Variants in TMEM181 observed in about 807,000 individuals in gnomAD.
The protein encoded by TMEM181 is transmembrane protein 181.
A neutral mutation model predicts 71.9 loss-of-function variants in TMEM181; 39 were observed. The observed-to-expected ratio is 0.54, with a 90% confidence interval of 0.42 to 0.71. The LOEUF (loss-of-function observed/expected upper bound fraction) is 0.71, where lower values mean the gene tolerates loss of function less well. Among genes scored for constraint, TMEM181 ranks in the 30% least tolerant of loss-of-function variants. The pLI, the probability that TMEM181 is intolerant of heterozygous loss-of-function variation, is 0.00. For missense variants in TMEM181, 595 were observed against 583.0 expected, an observed-to-expected ratio of 1.02 and a Z score of -0.21; for synonymous variants, 245 against 228.8, an observed-to-expected ratio of 1.07 and a Z score of -0.64.
intron 1 of TMEM181, among the ~76,000 whole-genome samples, chr6:158,554,324 A>C (rs1390502618): frequency 6.6e-6 from 1 of 152,010 alleles, no homozygotes; most frequent in Admixed American, 6.6e-5. Context: ...GACCTCAGGC[A>C]GTCCGCTCAC....
intron 1 of TMEM181, among the ~76,000 whole-genome samples, chr6:158,570,102 C>T (rs1782720012): frequency 6.6e-6 from 1 of 152,016 alleles, no homozygotes; most frequent in Admixed American, 6.5e-5. Flanking sequence ...AGTCTTGGGA[C>T]TGTGGCTGCC....
intron 1 of TMEM181, among the ~76,000 whole-genome samples, 199 bp downstream of exon 1, chr6:158,560,431 C>T (rs952586833): frequency 6.6e-6 from 1 of 152,080 alleles, no homozygotes; most frequent in Non-Finnish European, 1.5e-5. Flanking sequence ...AGACCGGGGC[C>T]GGGGCTCCCT....
intron 5 of TMEM181, among the ~76,000 whole-genome samples, chr6:158,588,751 T>G (rs888570039): frequency 5.9e-5 from 9 of 152,228 alleles, no homozygotes; most frequent in South Asian, 4.1e-4. Context: ...CCCAGCCACC[T>G]TCTTGTCTTT....
chr6:158,574,763 C>A (rs559250588), intron 2 of TMEM181, among the ~76,000 whole-genome samples: 37 of 152,218 alleles, frequency 2.4e-4, no homozygotes, highest in Admixed American at 1.5e-3. Flanking sequence ...CCTGTCTATC[C>A]TGTCTGTCTG....
Position 158,580,969 on chromosome 6 carries a change from A to T in TMEM181, c.142A>T (p.Asn48Tyr). 6.2e-7 allele frequency: 1 copy of T among 1,609,602 alleles called. No homozygotes were observed. Among genetic ancestry groups the T allele is most frequent in the Non-Finnish European group, 8.5e-7 (1 of 1,176,264 alleles). Reference protein sequence around the residue: ...GPKVIQTSAANFSLNNSKKLK... With the variant: ...GPKVIQTSAAYFSLNNSKKLK... ...TAAAGTGATCCAGACTTCTGCGGCT[A>T]ATTTTTCACTAAATAATAGCAAAAA... Residue 48 changes from asparagine to tyrosine, a missense_variant, in exon 3 of 17, where the codon AAT (asparagine) becomes TAT (tyrosine). Transcript: ENST00000684151.
At chr6:158,559,943 C>CCGG (rs1562619569), upstream of TMEM181, 1 of 564,698 alleles carries the variant, frequency 1.8e-6, no homozygotes, top group African/African-American at 2.0e-5. Flanking sequence ...CCTGGGTGCT[C>CCGG]CCGGCCGTGG....
In TMEM181 at chr6:158,560,233, G is replaced by T; in HGVS notation, c.8+1G>T. 3 of 984,968 alleles carry T rather than the reference G, an allele frequency of 3.0e-6. No homozygotes were observed. Among genetic ancestry groups the T allele is most frequent in the Non-Finnish European group, 3.6e-6 (3 of 829,782 alleles). 61.0% of individuals were successfully genotyped at this position (984,968 alleles called of 1,614,324 possible). A position where few individuals can be genotyped will look rare whatever the true frequency, so the allele number is the denominator to read the frequency against. ...GGGCTCTGGGCGCCGAGATGGAGCC[G>T]TGAGTCCCCGGCCGAGCGGGCGGGC... On this transcript the variant is annotated splice_donor_variant, in intron 1 of 16. Transcript: ENST00000684151. LOFTEE classifies it high-confidence loss of function.
At chr6:158,562,206 T>C (rs1436492083) in intron 1 of TMEM181, among the ~76,000 whole-genome samples, 1 of 152,100 alleles carries the variant, frequency 6.6e-6, no homozygotes. Flanking sequence ...TCAAAACTCA[T>C]CAGCAAAAAA....
chr6:158,541,695 A>G (rs1326417361), intron 1 of TMEM181, among the ~76,000 whole-genome samples: 1 of 152,138 alleles, frequency 6.6e-6, no homozygotes, highest in Non-Finnish European at 1.5e-5. Flanking sequence ...TCTGGGAGCC[A>G]TGTTTTTTAT....
intron 10 of TMEM181, among the ~76,000 whole-genome samples, chr6:158,609,503 AC>A (rs1390811664): frequency 1.3e-5 from 2 of 151,870 alleles, no homozygotes; most frequent in Non-Finnish European, 2.9e-5. Context: ...CAGTCCCCTT[AC>A]CCCTCATTCC....
intron 1 of TMEM181, among the ~76,000 whole-genome samples, chr6:158,550,075 T>C (rs1033670497): frequency 6.6e-6 from 1 of 151,730 alleles, no homozygotes; most frequent in African/African-American, 2.4e-5. Context: ...GTAGTTAGGT[T>C]TTGATGTCCC....
At chr6:158,580,707 G>A (rs1233021306) in intron 2 of TMEM181, among the ~76,000 whole-genome samples, 1 of 152,140 alleles carries the variant, frequency 6.6e-6, no homozygotes, top group Non-Finnish European at 1.5e-5. Flanking sequence ...TTGTATGCCA[G>A]TCATGCTGGT....
chr6:158,541,536 A>G (rs1166888951), intron 1 of TMEM181, among the ~76,000 whole-genome samples: 1 of 152,234 alleles, frequency 6.6e-6, no homozygotes, highest in African/African-American at 2.4e-5. Flanking sequence ...CAGTATTGGC[A>G]GCCAGGCGCC....
At chr6:158,619,518 A>AG (rs1263912465) in intron 10 of TMEM181, among the ~76,000 whole-genome samples, 1 of 152,092 alleles carries the variant, frequency 6.6e-6, no homozygotes, top group Non-Finnish European at 1.5e-5. Flanking sequence ...AGTCATTCAG[A>AG]GGAAGGAGTT....
Position 158,632,014 on chromosome 6 carries a change from AT to A in TMEM181, c.*133del, listed in dbSNP as rs953837415. 2.5e-5 allele frequency: 25 copies of A among 1,019,800 alleles called. No individual in the cohort carries two copies. The highest frequency in any genetic ancestry group is 3.1e-5 in the Non-Finnish European group (22 of 707,372). The allele number at this position is 1,019,800 out of a possible 1,614,324, so 63.2% of individuals were successfully genotyped here. ...AGATTTCCTGTTCATTTGTTTACAT[AT>A]TTTTTTAAAGGAAAACCAAAACTGA... On this transcript the variant is annotated 3_prime_UTR_variant, in exon 17 of 17. Coordinates refer to ENST00000684151, the MANE Select transcript of TMEM181 (RefSeq NM_001376852.1).
At chr6:158,602,571 T>C in intron 6 of TMEM181, among the ~76,000 whole-genome samples, 1 of 152,098 alleles carries the variant, frequency 6.6e-6, no homozygotes, top group Non-Finnish European at 1.5e-5. Flanking sequence ...CTAATCGGTG[T>C]ATAATGGTAT....
At chr6:158,542,693 CT>C (rs1280864013) in intron 1 of TMEM181, among the ~76,000 whole-genome samples, 2 of 152,134 alleles carry the variant, frequency 1.3e-5, no homozygotes, top group African/African-American at 2.4e-5. Flanking sequence ...CAACCTACAC[CT>C]CCTGGGTTCA....
intron 6 of TMEM181, 94 bp from the exon 7 acceptor site, chr6:158,605,173 G>A (rs1479652664): frequency 9.2e-6 from 7 of 759,800 alleles, no homozygotes; most frequent in South Asian, 1.4e-5. Context: ...TGTATATATT[G>A]TCTCATCTAG....
upstream of TMEM181, among the ~76,000 whole-genome samples, chr6:158,556,272 C>T (rs1490931120): frequency 6.6e-6 from 1 of 152,234 alleles, no homozygotes; most frequent in African/African-American, 2.4e-5. Flanking sequence ...GCTGTGCCAG[C>T]AGAGTTCAGA....
Sources: gnomAD v4.1 joint callset for allele counts (sites outside exome capture counted in the v4.1 genomes callset) on GRCh38, gnomAD v4.1.1 for gene constraint, MANE v1.5 for transcripts, NCBI Gene and HGNC (gene_info 2026-07-23, HGNC 2026-07-21) for gene names.